SHANK2: variants seen among roughly 807,000 people sequenced by gnomAD.
SHANK2 encodes SH3 and multiple ankyrin repeat domains 2.
SHANK2 carries 43 observed loss-of-function variants against 133.7 expected under a neutral mutation model. That is an observed-to-expected ratio of 0.32 (90% CI 0.25 to 0.41). SHANK2 has a LOEUF of 0.41. Ranked by LOEUF, SHANK2 falls within the 10% of genes least tolerant of loss-of-function variation. The pLI, the probability that SHANK2 is intolerant of heterozygous loss-of-function variation, is 1.00. For synonymous variants in SHANK2, 1,017 were observed against 952.8 expected (o/e 1.07, Z -1.24); for missense variants, 1,994 against 2,235.8 (o/e 0.89, Z 2.18).
At chr11:71,197,499 C>G (rs1591010727) in intron 2 of SHANK2, among the ~76,000 whole-genome samples, 1 of 152,228 alleles carries the variant, frequency 6.6e-6, no homozygotes, top group South Asian at 2.1e-4. Context: ...GCCGCCAACA[C>G]CCTGCCCCAT....
intron 3 of SHANK2, among the ~76,000 whole-genome samples, chr11:71,138,063 T>A (rs1555105113): frequency 6.8e-6 from 1 of 146,560 alleles, no homozygotes; most frequent in Non-Finnish European, 1.5e-5. Flanking sequence ...TCTCTCACAA[T>A]GGGTGGGCGC....
intron 14 of SHANK2, among the ~76,000 whole-genome samples, chr11:70,730,519 G>T (rs1555031900): frequency 6.6e-6 from 1 of 152,120 alleles, no homozygotes; most frequent in African/African-American, 2.4e-5. Context: ...GTAACGCTGA[G>T]TGTGCCCCTA....
At chr11:70,906,820 G>T (rs1230546691) in intron 10 of SHANK2, among the ~76,000 whole-genome samples, 1 of 152,138 alleles carries the variant, frequency 6.6e-6, no homozygotes, top group East Asian at 1.9e-4. Flanking sequence ...AAGGTCAGGG[G>T]TCGCCGAGTT....
intron 17 of SHANK2, chr11:70,635,595 T>C (rs1389811223): frequency 1.3e-5 from 2 of 151,972 alleles, no homozygotes; most frequent in African/African-American, 4.8e-5. Context: ...GGGAAGAGTT[T>C]CAGTTTGGGA....
At chr11:70,771,655 G>A (rs570048932) in intron 14 of SHANK2, among the ~76,000 whole-genome samples, 62 of 152,212 alleles carry the variant, frequency 4.1e-4, no homozygotes, top group South Asian at 1.2e-3. Context: ...GTGGAGCCGC[G>A]CTGGGGGCCC....
At chr11:71,172,597 CAAA>C (rs10623588) in intron 2 of SHANK2, among the ~76,000 whole-genome samples, 2 of 107,286 alleles carry the variant, frequency 1.9e-5, no homozygotes, top group African/African-American at 4.0e-5. Context: ...GACTCTGTCT[CAAA>C]AAAAAAAAAA....
intron 1 of SHANK2, chr11:71,240,890 A>C (rs1300935524): frequency 6.6e-6 from 1 of 152,286 alleles, no homozygotes; most frequent in Non-Finnish European, 1.5e-5. Context: ...TGGAAAGCTG[A>C]GTGGTCGATG....
chr11:70,746,923 A>G (rs1400934189), intron 14 of SHANK2, among the ~76,000 whole-genome samples: 1 of 144,032 alleles, frequency 6.9e-6, no homozygotes, highest in Non-Finnish European at 1.5e-5. Flanking sequence ...GCTTCCCTCC[A>G]CCGCTGTACT....
Position 71,136,983 on chromosome 11 carries a change from C to T in SHANK2, c.207+10137G>A, listed in dbSNP as rs1179578020. On this transcript the variant is annotated intron_variant, in intron 3 of 25. Transcript: ENST00000601538. ...GTTCAAGGGATTCTCCTGCCTCAGC[C>T]TCCTGAGTAGCTGGGATTACAGGCA... Among the ~76,000 whole-genome samples the T allele has an allele frequency of 5.3e-5, 8 of 152,284 alleles. No individual in the cohort carries two copies. In the East Asian group the frequency reaches 1.5e-3, roughly 29 times the overall value.
chr11:70,651,802 G>C (rs1555010193), intron 17 of SHANK2, among the ~76,000 whole-genome samples: 2 of 152,168 alleles, frequency 1.3e-5, no homozygotes, highest in African/African-American at 4.8e-5. Context: ...CAGTCACCCT[G>C]GGTTCCTGCT....
Position 71,147,103 on chromosome 11 carries a change from C to T in SHANK2, c.207+17G>A. The T allele has an allele frequency of 6.5e-7, 1 of 1,537,848 alleles. No individual in the cohort carries two copies. Among genetic ancestry groups the T allele is most frequent in the Middle Eastern group, 2.1e-4 (1 of 4,732 alleles). ...CATTGTCCAGATGTGAACCAAAGGG[C>T]AGACCACGGGGCTCACCGTCTGCTG... On this transcript the variant is annotated intron_variant, in intron 3 of 25. Coordinates refer to ENST00000601538, the MANE Select transcript of SHANK2 (RefSeq NM_012309.5).
At chr11:71,244,988 G>T (rs1161327337) in intron 1 of SHANK2, among the ~76,000 whole-genome samples, 2 of 151,872 alleles carry the variant, frequency 1.3e-5, no homozygotes, top group African/African-American at 2.4e-5. Flanking sequence ...ACAGGTGTGA[G>T]CCACTGCACT....
chr11:70,591,429 A>G (rs1170274813), intron 17 of SHANK2, among the ~76,000 whole-genome samples: 1 of 152,174 alleles, frequency 6.6e-6, no homozygotes, highest in African/African-American at 2.4e-5. Context: ...AGATAGAAGA[A>G]GGAGCCGGAA....
chr11:71,198,502 A>G (rs1953954824), intron 2 of SHANK2, among the ~76,000 whole-genome samples: 1 of 152,194 alleles, frequency 6.6e-6, no homozygotes, highest in African/African-American at 2.4e-5. Context: ...GCCCCACAGG[A>G]AACAGGCCTT....
chr11:71,249,904 A>G (rs1351627368), intron 1 of SHANK2, among the ~76,000 whole-genome samples: 1 of 152,174 alleles, frequency 6.6e-6, no homozygotes, highest in Non-Finnish European at 1.5e-5. Flanking sequence ...TCCTCTGGGC[A>G]GCACTCACAT....
At chr11:70,603,115 G>A (rs932940676) in intron 17 of SHANK2, among the ~76,000 whole-genome samples, 5 of 152,264 alleles carry the variant, frequency 3.3e-5, no homozygotes, top group African/African-American at 9.6e-5. Context: ...CTGAGGAAGC[G>A]GTGGTGGGGG....
intron 14 of SHANK2, among the ~76,000 whole-genome samples, chr11:70,728,585 G>C (rs782296223): frequency 1.2e-4 from 18 of 152,198 alleles, no homozygotes; most frequent in Non-Finnish European, 1.9e-4. Flanking sequence ...GATGGACAGA[G>C]ATAATGGATT....
At chr11:70,738,773 C>T (rs1042766534) in intron 14 of SHANK2, among the ~76,000 whole-genome samples, 3 of 152,220 alleles carry the variant, frequency 2.0e-5, no homozygotes, top group South Asian at 2.1e-4. Context: ...TGCCAGAAGC[C>T]GCCCGCCTCT....
intron 11 of SHANK2, among the ~76,000 whole-genome samples, chr11:70,875,737 C>A (rs1949550173): frequency 6.6e-6 from 1 of 151,972 alleles, no homozygotes; most frequent in African/African-American, 2.4e-5. Flanking sequence ...TACCTGTGGT[C>A]CCAGCTACTT....
Sources: allele counts gnomAD v4.1 joint callset (sites outside exome capture counted in the v4.1 genomes callset), GRCh38; gene constraint gnomAD v4.1.1; transcripts MANE v1.5; gene names NCBI Gene and HGNC (gene_info 2026-07-23, HGNC 2026-07-21).